The following RGS6 variants were observed in gnomAD, a reference collection of about 807,000 sequenced individuals.
RGS6 encodes the protein regulator of G protein signaling 6.
Under a neutral mutation model 78.5 loss-of-function variants are expected in RGS6, and 30 were observed. That is an observed-to-expected ratio of 0.38 (90% confidence interval 0.29 to 0.52). RGS6 has a LOEUF of 0.52. Ranked by LOEUF, RGS6 falls within the 20% of genes least tolerant of loss-of-function variation. The probability of loss-of-function intolerance (pLI) is 0.85; values close to 1 mark genes in which losing one functional copy is unlikely to be tolerated. For synonymous variants in RGS6, 206 were observed against 206.0 expected, an observed-to-expected ratio of 1.00 and a Z score of 0.00; for missense variants, 495 against 609.7, an observed-to-expected ratio of 0.81 and a Z score of 1.98.
intron 2 of RGS6, among the ~76,000 whole-genome samples, chr14:72,169,263 G>A (rs1325170157): frequency 6.6e-6 from 1 of 152,072 alleles, no homozygotes. Flanking sequence ...TACGTTTTTT[G>A]ATTCAAAGGG....
intron 2 of RGS6, among the ~76,000 whole-genome samples, chr14:72,244,206 C>T (rs1342086717): frequency 6.6e-6 from 1 of 151,264 alleles, no homozygotes; most frequent in Non-Finnish European, 1.5e-5. Context: ...ATCAGTCAGA[C>T]CTCTAGGAGA....
intron 3 of RGS6, among the ~76,000 whole-genome samples, chr14:72,422,187 G>A (rs967926693): frequency 7.2e-5 from 11 of 152,184 alleles, no homozygotes; most frequent in Admixed American, 1.3e-4. Flanking sequence ...CCCCAGCCAC[G>A]TGGAACTGTA....
chr14:72,372,975 G>T (rs2083824148), intron 3 of RGS6, among the ~76,000 whole-genome samples: 2 of 152,146 alleles, frequency 1.3e-5, no homozygotes, highest in Admixed American at 6.5e-5. Flanking sequence ...GTAGTGTGAT[G>T]CTTAAGGAGA....
At chr14:72,076,303 T>C (rs1264383217) in intron 2 of RGS6, among the ~76,000 whole-genome samples, 1 of 152,214 alleles carries the variant, frequency 6.6e-6, no homozygotes, top group East Asian at 1.9e-4. Flanking sequence ...GTTTTATTTT[T>C]CCATTTCTGA....
At chr14:71,936,132 A>T (rs1313837694) in intron 1 of RGS6, among the ~76,000 whole-genome samples, 2 of 150,358 alleles carry the variant, frequency 1.3e-5, no homozygotes, top group South Asian at 2.1e-4. Flanking sequence ...ATATATCTAT[A>T]AAGGGGAGTT....
At chr14:71,991,156 A>T (rs1207600795) in intron 2 of RGS6, among the ~76,000 whole-genome samples, 1 of 152,222 alleles carries the variant, frequency 6.6e-6, no homozygotes, top group African/African-American at 2.4e-5. Flanking sequence ...TCTTTCTCAG[A>T]TGAGATTCTC....
In RGS6 at chr14:71,972,433, T is replaced by C. The variant is rs561985288; in HGVS notation, c.84+7558T>C. ...TTTTCCTTAAATTGTCCTATGTATA[T>C]CATCTGTTTACCAATAAGACCCTAA... On this transcript the variant is annotated intron_variant, in intron 2 of 17. Coordinates refer to ENST00000553525, the MANE Select transcript of RGS6 (RefSeq NM_001204424.2). 2.6e-5 allele frequency among the ~76,000 whole-genome samples: 4 copies of C among 152,196 alleles called. No homozygotes were observed. In the East Asian group the frequency reaches 7.7e-4, roughly 29 times the overall value.
chr14:72,262,861 T>A (rs1374480307), intron 2 of RGS6, among the ~76,000 whole-genome samples: 1 of 152,096 alleles, frequency 6.6e-6, no homozygotes, highest in African/African-American at 2.4e-5. Context: ...CAGGTCTTTG[T>A]CCTCCCCTTG....
chr14:72,173,575 G>A (rs768261918), intron 2 of RGS6, among the ~76,000 whole-genome samples: 27 of 152,192 alleles, frequency 1.8e-4, no homozygotes, highest in African/African-American at 5.3e-4. Flanking sequence ...GACACAACAC[G>A]TTTTTCCCAT....
intron 9 of RGS6, among the ~76,000 whole-genome samples, chr14:72,473,196 C>T (rs2096134113): frequency 6.6e-6 from 1 of 152,228 alleles, no homozygotes; most frequent in Non-Finnish European, 1.5e-5. Context: ...GTAATCCCAG[C>T]GCTTTGGGAG....
intron 17 of RGS6, chr14:72,553,401 T>A (rs924132546): frequency 6.6e-6 from 1 of 152,658 alleles, no homozygotes; most frequent in African/African-American, 2.4e-5. Flanking sequence ...TGTGGAATCC[T>A]TCTGCACAGA....
chr14:71,950,358 A>G (rs1196978442), intron 1 of RGS6, among the ~76,000 whole-genome samples: 2 of 152,130 alleles, frequency 1.3e-5, no homozygotes, highest in African/African-American at 4.8e-5. Context: ...GCTGGGAGAC[A>G]TGGCTAGCTA....
intron 2 of RGS6, among the ~76,000 whole-genome samples, chr14:72,061,974 TTG>T (rs2093918687): frequency 6.6e-6 from 1 of 152,186 alleles, no homozygotes; most frequent in Non-Finnish European, 1.5e-5. Context: ...GCCTCTGACT[TTG>T]TGTCTTACAT....
chr14:72,507,787 G>T (rs986007755), intron 13 of RGS6, among the ~76,000 whole-genome samples: 1 of 152,184 alleles, frequency 6.6e-6, no homozygotes, highest in Admixed American at 6.5e-5. Flanking sequence ...GCCCTCATTC[G>T]AGTACAGCTG....
intron 2 of RGS6, among the ~76,000 whole-genome samples, chr14:72,261,080 A>C (rs1057212217): frequency 6.6e-6 from 1 of 152,158 alleles, no homozygotes; most frequent in Non-Finnish European, 1.5e-5. Flanking sequence ...AGGCTGGTCA[A>C]ATGGTTCTTC....
intron 2 of RGS6, among the ~76,000 whole-genome samples, chr14:72,036,889 A>G (rs535415407): frequency 1.1e-4 from 16 of 152,124 alleles, no homozygotes; most frequent in Non-Finnish European, 2.1e-4. Context: ...AAAATTTTAT[A>G]ATTTTATATT....
At chr14:72,309,241 T>A (rs2067984206) in intron 2 of RGS6, among the ~76,000 whole-genome samples, 1 of 152,188 alleles carries the variant, frequency 6.6e-6, no homozygotes, top group Non-Finnish European at 1.5e-5. Flanking sequence ...GCGAGGCTGG[T>A]GTACAGGGCA....
chr14:72,061,801 T>C (rs562614292), intron 2 of RGS6, among the ~76,000 whole-genome samples: 69 of 152,358 alleles, frequency 4.5e-4, no homozygotes, highest in African/African-American at 1.5e-3. Context: ...AAGTTCTTTA[T>C]TTTTTAGTAT....
intron 3 of RGS6, among the ~76,000 whole-genome samples, chr14:72,400,131 C>G (rs1295338911): frequency 6.6e-6 from 1 of 152,154 alleles, no homozygotes; most frequent in Non-Finnish European, 1.5e-5. Context: ...TTAAGGCAGC[C>G]AGAGAGAAAG....
Sources: gnomAD v4.1 joint callset for allele counts (sites outside exome capture counted in the v4.1 genomes callset) on GRCh38, gnomAD v4.1.1 for gene constraint, MANE v1.5 for transcripts, NCBI Gene and HGNC (gene_info 2026-07-23, HGNC 2026-07-21) for gene names.